CACNA1C: variants seen among roughly 807,000 people sequenced by gnomAD.
CACNA1C encodes the protein calcium voltage-gated channel subunit alpha1 C.
Under a neutral mutation model 229.0 loss-of-function variants are expected in CACNA1C, and 30 were observed. The observed-to-expected ratio is 0.13, with a 90% CI of 0.10 to 0.18. CACNA1C has a LOEUF of 0.18. CACNA1C is among the 10% of genes least tolerant of loss of function. CACNA1C has a pLI of 1.00. For synonymous variants in CACNA1C, 1,114 were observed against 1,132.5 expected (o/e 0.98, Z 0.33); for missense variants, 1,658 against 2,845.0 (o/e 0.58, Z 9.49).
chr12:2,107,626 C>G (rs1269846487), intron 1 of CACNA1C, among the ~76,000 whole-genome samples: 1 of 152,236 alleles, frequency 6.6e-6, no homozygotes, highest in Non-Finnish European at 1.5e-5. Context: ...AAAGTCATCT[C>G]TCATTTATGT....
chr12:2,682,125 G>A (rs2097178663), intron 42 of CACNA1C: 1 of 888,234 alleles, frequency 1.1e-6, no homozygotes, highest in Non-Finnish European at 1.8e-6. Context: ...CAAAATAAGA[G>A]GCCAAGGACT....
intron 9 of CACNA1C, among the ~76,000 whole-genome samples, chr12:2,545,008 CA>C (rs2099878436): frequency 6.6e-6 from 1 of 152,186 alleles, no homozygotes; most frequent in Non-Finnish European, 1.5e-5. Context: ...ATCATACTAA[CA>C]GACCACTAAA....
chr12:2,394,290 A>G (rs1403098313), intron 3 of CACNA1C, among the ~76,000 whole-genome samples: 1 of 152,188 alleles, frequency 6.6e-6, no homozygotes, highest in Non-Finnish European at 1.5e-5. Context: ...TCCCTGGCCC[A>G]CAGGAGAAAC....
chr12:2,250,359 G>A (rs185586475), intron 3 of CACNA1C, among the ~76,000 whole-genome samples: 16 of 152,206 alleles, frequency 1.1e-4, no homozygotes, highest in Non-Finnish European at 1.8e-4. Flanking sequence ...CAGGTTGCAC[G>A]CACAGCACCG....
chr12:2,662,251 AAAC>A (rs1247307441), intron 34 of CACNA1C, among the ~76,000 whole-genome samples: 86 of 151,410 alleles, frequency 5.7e-4, no homozygotes, highest in African/African-American at 2.0e-3. Context: ...CAAAAAAAAA[AAAC>A]AAGACAGGAA....
chr12:2,316,681 G>C (rs1008456883), intron 3 of CACNA1C, among the ~76,000 whole-genome samples: 1 of 152,212 alleles, frequency 6.6e-6, no homozygotes, highest in Non-Finnish European at 1.5e-5. Context: ...CACCTTTCTT[G>C]TTGATGCCCA....
rs920880016 is a variant in CACNA1C, at chr12:2,129,501, A to G, written c.477+9071A>G. ...TCCATCTTTATTCATTTTTTGGGGG[A>G]GAATCTTCCAAATAAATTCACTGTT... On this transcript the variant is annotated intron_variant, in intron 3 of 46. Coordinates refer to ENST00000399655, the MANE Select transcript of CACNA1C (RefSeq NM_000719.7). Among the ~76,000 whole-genome samples the G allele has an allele frequency of 2.6e-5, 4 of 152,220 alleles. 1 individual carries two copies. The highest frequency in any genetic ancestry group is 6.5e-5 in the Admixed American group (1 of 15,280).
intron 3 of CACNA1C, among the ~76,000 whole-genome samples, chr12:2,394,543 G>A (rs7980523): frequency 1.3e-5 from 2 of 151,988 alleles, no homozygotes; most frequent in Admixed American, 6.5e-5. Context: ...CGATGTCATC[G>A]CATTTACTGA....
intron 3 of CACNA1C, among the ~76,000 whole-genome samples, chr12:2,318,897 T>G (rs1289803402): frequency 6.9e-6 from 1 of 145,680 alleles, no homozygotes. Context: ...TAGAAGAGAA[T>G]GGAGAGAGAG....
intron 30 of CACNA1C, among the ~76,000 whole-genome samples, chr12:2,638,813 G>A (rs1016050548): frequency 1.3e-4 from 20 of 152,198 alleles, no homozygotes; most frequent in Non-Finnish European, 8.8e-5. Context: ...GGCTGGAGGC[G>A]GGGCCTGTGT....
chr12:2,107,183 T>G (rs868207961), intron 1 of CACNA1C, among the ~76,000 whole-genome samples: 1 of 124,446 alleles, frequency 8.0e-6, no homozygotes, highest in Admixed American at 8.0e-5. Flanking sequence ...GTGCTCACCC[T>G]GGAGAGGGTT....
chr12:2,345,987 A>G (rs2154523859), intron 3 of CACNA1C, among the ~76,000 whole-genome samples: 1 of 152,268 alleles, frequency 6.6e-6, no homozygotes, highest in South Asian at 2.1e-4. Flanking sequence ...ATCACCTCTG[A>G]CGCCCGGGCT....
At chr12:2,405,982 G>T (rs1383881123) in intron 3 of CACNA1C, among the ~76,000 whole-genome samples, 2 of 152,138 alleles carry the variant, frequency 1.3e-5, no homozygotes, top group Admixed American at 6.5e-5. Context: ...TTTCATCTGT[G>T]AAAATACCTT....
At chr12:2,204,386 G>A (rs927399191) in intron 3 of CACNA1C, among the ~76,000 whole-genome samples, 5 of 152,040 alleles carry the variant, frequency 3.3e-5, no homozygotes, top group South Asian at 2.1e-4. Context: ...TCAGTGTGGC[G>A]ATTCCTCAGG....
At chr12:2,272,375 C>T (rs2085451856) in intron 3 of CACNA1C, among the ~76,000 whole-genome samples, 1 of 152,186 alleles carries the variant, frequency 6.6e-6, no homozygotes, top group African/African-American at 2.4e-5. Flanking sequence ...GCCTGTGGAT[C>T]ACCATCCTCT....
At chr12:2,044,740 T>TA (rs935014239) in intron 1 of CACNA1C, among the ~76,000 whole-genome samples, 1 of 152,202 alleles carries the variant, frequency 6.6e-6, no homozygotes, top group Non-Finnish European at 1.5e-5. Flanking sequence ...AGGGAACAAA[T>TA]ATCCCTTTTT....
chr12:2,392,533 A>G (rs1199056642), intron 3 of CACNA1C, among the ~76,000 whole-genome samples: 4 of 152,158 alleles, frequency 2.6e-5, no homozygotes, highest in Non-Finnish European at 5.9e-5. Flanking sequence ...GGTTTCTGAG[A>G]AACCGTTGTG....
intron 3 of CACNA1C, among the ~76,000 whole-genome samples, chr12:2,311,635 C>T (rs57480665): frequency 5.3e-4 from 80 of 152,266 alleles, no homozygotes; most frequent in African/African-American, 1.8e-3. Context: ...ACCTCTTCCG[C>T]GATATGTCAG....
intron 3 of CACNA1C, among the ~76,000 whole-genome samples, chr12:2,241,071 G>A (rs976278219): frequency 2.0e-5 from 3 of 152,100 alleles, no homozygotes; most frequent in Non-Finnish European, 4.4e-5. Context: ...TAACCAGTAC[G>A]AGGTGAGGGG....
Sources: allele counts gnomAD v4.1 joint callset (sites outside exome capture counted in the v4.1 genomes callset), GRCh38; gene constraint gnomAD v4.1.1; transcripts MANE v1.5; gene names NCBI Gene and HGNC (gene_info 2026-07-23, HGNC 2026-07-21).